PKN2: variants seen among roughly 807,000 people sequenced by gnomAD.
PKN2 encodes protein kinase N2.
In PKN2, 38 loss-of-function variants were observed where a neutral mutation model predicts 119.1. The observed-to-expected ratio is 0.32, with a 90% CI of 0.25 to 0.42. The LOEUF is 0.42. Ranked by LOEUF, PKN2 falls within the 10% of genes least tolerant of loss-of-function variation. The probability of loss-of-function intolerance (pLI) is 1.00; values close to 1 mark genes in which losing one functional copy is unlikely to be tolerated. For missense variants in PKN2, 850 were observed against 1,165.1 expected (o/e 0.73, Z 3.94); for synonymous variants, 390 against 384.9 (o/e 1.01, Z -0.15).
At chr1:88,779,218 T>TG (rs397765702) in intron 6 of PKN2, among the ~76,000 whole-genome samples, 2 of 38,020 alleles carry the variant, frequency 5.3e-5, no homozygotes, top group Non-Finnish European at 1.5e-4. Context: ...CAAAGGTAAG[T>TG]GAAAACTCCA....
chr1:88,806,144 T>G, intron 12 of PKN2, 127 bp downstream of exon 12: 1 of 862,014 alleles, frequency 1.2e-6, no homozygotes, highest in East Asian at 2.6e-5. Flanking sequence ...GGTTTTTTGT[T>G]TGTTTTTTGT....
chr1:88,783,356 C>T (rs1310884503), intron 6 of PKN2, among the ~76,000 whole-genome samples: 1 of 152,198 alleles, frequency 6.6e-6, no homozygotes, highest in Non-Finnish European at 1.5e-5. Flanking sequence ...CCTCCCTGCA[C>T]TGTGTCCTAG....
chr1:88,788,018 A>C (rs1034575528), intron 8 of PKN2, among the ~76,000 whole-genome samples: 1 of 152,250 alleles, frequency 6.6e-6, no homozygotes, highest in African/African-American at 2.4e-5. Context: ...CCTTAGTAAA[A>C]AAGAGAAGAA....
At chr1:88,779,124 A>C (rs2100818006) in intron 6 of PKN2, among the ~76,000 whole-genome samples, 1 of 152,268 alleles carries the variant, frequency 6.6e-6, no homozygotes, top group African/African-American at 2.4e-5. Flanking sequence ...ATTTGAGAAA[A>C]AGATCTTCTC....
At chr1:88,694,472 G>T (rs763734092) in intron 1 of PKN2, among the ~76,000 whole-genome samples, 12 of 152,106 alleles carry the variant, frequency 7.9e-5, no homozygotes, top group Non-Finnish European at 1.6e-4. Flanking sequence ...TTTTAGTACT[G>T]AATAATATCC....
chr1:88,781,237 G>C (rs914990680), intron 6 of PKN2: 65 of 961,552 alleles, frequency 6.8e-5, no homozygotes, highest in Non-Finnish European at 9.0e-5. Context: ...AGTTTCTTTT[G>C]TGGTTGTATG....
chr1:88,717,394 C>T (rs958152177), intron 1 of PKN2, among the ~76,000 whole-genome samples: 2 of 152,092 alleles, frequency 1.3e-5, no homozygotes, highest in African/African-American at 4.8e-5. Context: ...GAGTGTTTTC[C>T]AACTTGGTTC....
chr1:88,768,240 T>C (rs995251380), intron 3 of PKN2, among the ~76,000 whole-genome samples: 2 of 152,232 alleles, frequency 1.3e-5, no homozygotes, highest in Admixed American at 6.5e-5. Flanking sequence ...ATCACAAATT[T>C]AGTGGCATAA....
intron 1 of PKN2, among the ~76,000 whole-genome samples, chr1:88,730,033 T>TG (rs1668077320): frequency 6.6e-6 from 1 of 151,774 alleles, no homozygotes; most frequent in African/African-American, 2.4e-5. Flanking sequence ...GGTGTGGTGG[T>TG]GGGCGCCTGT....
intron 1 of PKN2, among the ~76,000 whole-genome samples, chr1:88,701,947 C>T (rs1557549192): frequency 6.6e-6 from 1 of 151,916 alleles, no homozygotes; most frequent in Non-Finnish European, 1.5e-5. Context: ...AGGGAGTGGT[C>T]ATTTGTTTTG....
intron 6 of PKN2, among the ~76,000 whole-genome samples, chr1:88,776,953 G>A (rs993394638): frequency 2.0e-5 from 3 of 152,138 alleles, no homozygotes; most frequent in Non-Finnish European, 4.4e-5. Flanking sequence ...TGAGCTTGAT[G>A]TGTAGGTTCT....
At chr1:88,689,221 G>A (rs1195612027) in intron 1 of PKN2, among the ~76,000 whole-genome samples, 1 of 152,160 alleles carries the variant, frequency 6.6e-6, no homozygotes, top group Non-Finnish European at 1.5e-5. Flanking sequence ...TCCAGAAAAT[G>A]TGGAAAAGCA....
At chr1:88,741,474 A>G (rs1033149851) in intron 2 of PKN2, among the ~76,000 whole-genome samples, 186 bp downstream of exon 2, 3 of 152,070 alleles carry the variant, frequency 2.0e-5, no homozygotes, top group Non-Finnish European at 4.4e-5. Flanking sequence ...AGGTATGGAA[A>G]TTGAAATGTT....
At position 88,813,511 on chromosome 1, in the gene PKN2, T is replaced by G. The variant is rs755228216; in HGVS notation, c.2103-46T>G. On this transcript the variant is annotated intron_variant, in intron 15 of 21. Transcript: ENST00000370521. ...ATTTATAAAGAATGTTATTTCCAACTAGAATTATTTTTAATCTGCTTATTT... is the reference window on the plus strand; with the variant it reads ...ATTTATAAAGAATGTTATTTCCAACGAGAATTATTTTTAATCTGCTTATTT... The G allele has an allele frequency of 4.9e-5, 64 of 1,301,564 alleles. 1 individual carries two copies. In the Middle Eastern group the frequency reaches 4.6e-3, roughly 94 times the overall value. The allele number at this position is 1,301,564 out of a possible 1,614,324, so 80.6% of individuals were successfully genotyped here. A position where few individuals can be genotyped will look rare whatever the true frequency, so the allele number is the denominator to read the frequency against.
chr1:88,761,256 T>G (rs1669428195), intron 3 of PKN2, among the ~76,000 whole-genome samples: 1 of 152,174 alleles, frequency 6.6e-6, no homozygotes, highest in African/African-American at 2.4e-5. Context: ...TTTCCAGAAA[T>G]TCTGAGAAAG....
At position 88,684,402 on chromosome 1, in the gene PKN2, C is replaced by T; in HGVS notation, c.-179C>T. 1 of 544,526 alleles carries T rather than the reference C, an allele frequency of 1.8e-6. No individual in the cohort carries two copies. The highest frequency in any genetic ancestry group is 3.2e-6 in the Non-Finnish European group (1 of 315,812). The allele number at this position is 544,526 out of a possible 1,614,324, so 33.7% of individuals were successfully genotyped here. ...ACGAGTGCCCTAGCTCCCCGCCGCT[C>T]TCGATGAACCGGACGGAATAAGCCG... On this transcript the variant is annotated 5_prime_UTR_variant, in exon 1 of 22. Coordinates refer to ENST00000370521, the MANE Select transcript of PKN2 (RefSeq NM_006256.4).
chr1:88,833,048 T>G (rs929413348), intron 20 of PKN2, 29 bp from the exon 21 acceptor site: 2 of 1,557,434 alleles, frequency 1.3e-6, no homozygotes, highest in African/African-American at 2.8e-5. Flanking sequence ...TTGGTTTTAT[T>G]TTAACTTTTT....
intron 18 of PKN2, among the ~76,000 whole-genome samples, chr1:88,826,426 TTTA>T (rs1186455610): frequency 6.6e-6 from 1 of 152,026 alleles, no homozygotes; most frequent in African/African-American, 2.4e-5. Flanking sequence ...TATTTTATTT[TTTA>T]TTTTATTTTT....
chr1:88,754,482 C>T (rs1028610677), intron 2 of PKN2, among the ~76,000 whole-genome samples: 9 of 152,112 alleles, frequency 5.9e-5, no homozygotes, highest in Non-Finnish European at 1.0e-4. Flanking sequence ...ACATGTTAGA[C>T]TAGAGAATGG....
Sources: allele counts gnomAD v4.1 joint callset (sites outside exome capture counted in the v4.1 genomes callset), GRCh38; gene constraint gnomAD v4.1.1; transcripts MANE v1.5; gene names NCBI Gene and HGNC (gene_info 2026-07-23, HGNC 2026-07-21).